Variants in SIL1 observed in about 807,000 individuals in gnomAD.
The protein encoded by SIL1 is SIL1 nucleotide exchange factor, also known as nucleotide exchange factor SIL1.
SIL1 carries 40 observed loss-of-function variants against 49.1 expected under a neutral mutation model. That is an observed-to-expected ratio of 0.81 (90% CI 0.63 to 1.06). The LOEUF is 1.06. Among genes scored for constraint, SIL1 ranks in the 50% least tolerant of loss-of-function variants. The probability of loss-of-function intolerance (pLI) is 0.00; values close to 1 mark genes in which losing one functional copy is unlikely to be tolerated. For missense variants in SIL1, 500 were observed against 572.6 expected (o/e 0.87, Z 1.29); for synonymous variants, 253 against 250.8 (o/e 1.01, Z -0.08).
intron 3 of SIL1, among the ~76,000 whole-genome samples, chr5:139,108,660 T>C (rs569508535): frequency 2.2e-4 from 34 of 152,366 alleles, no homozygotes; most frequent in Non-Finnish European, 1.5e-5. Context: ...AACGCTAATG[T>C]GTTTTTCCTC....
intron 7 of SIL1, among the ~76,000 whole-genome samples, chr5:139,012,143 T>A (rs1356967408): frequency 6.6e-6 from 1 of 152,098 alleles, no homozygotes; most frequent in Non-Finnish European, 1.5e-5. Flanking sequence ...AGCCTCAACT[T>A]CCATTCTCAG....
At chr5:139,069,811 A>C (rs1490553951) in intron 3 of SIL1, among the ~76,000 whole-genome samples, 1 of 152,208 alleles carries the variant, frequency 6.6e-6, no homozygotes, top group Non-Finnish European at 1.5e-5. Context: ...TGTCATCAGC[A>C]TTTTTAACAG....
chr5:139,161,025 C>T (rs1443065827), intron 1 of SIL1, among the ~76,000 whole-genome samples: 2 of 152,044 alleles, frequency 1.3e-5, no homozygotes, highest in Non-Finnish European at 2.9e-5. Flanking sequence ...GGGTGGATCA[C>T]CTGAGGTCAG....
intron 4 of SIL1, among the ~76,000 whole-genome samples, chr5:139,048,289 C>G (rs1769210922): frequency 6.6e-6 from 1 of 151,336 alleles, no homozygotes; most frequent in Non-Finnish European, 1.5e-5. Context: ...GTAGCTGGGA[C>G]TACAGGCATA....
chr5:139,136,807 A>ACTC (rs2151799637), intron 1 of SIL1, among the ~76,000 whole-genome samples: 1 of 152,318 alleles, frequency 6.6e-6, no homozygotes, highest in East Asian at 1.9e-4. Flanking sequence ...CTTAATGAGA[A>ACTC]AAGAGAAAAA....
Position 138,952,064 on chromosome 5 carries a change from C to T in SIL1, c.768-180G>A, listed in dbSNP as rs539572999. On this transcript the variant is annotated intron_variant, in intron 7 of 9. Coordinates refer to ENST00000394817, the MANE Select transcript of SIL1 (RefSeq NM_022464.5). ...CATCTGGCACAGACCCACGTGGGAA[C>T]AGCGGCCCACAGCACAGGTGACAGG... Among the ~76,000 whole-genome samples, 11 of 152,352 alleles carry T rather than the reference C, an allele frequency of 7.2e-5. No individual in the cohort carries two copies. The East Asian group carries it at 1.9e-3, about 27-fold the overall frequency.
intron 5 of SIL1, chr5:139,035,211 C>T (rs1768875640): frequency 6.9e-6 from 3 of 432,432 alleles, no homozygotes; most frequent in South Asian, 2.0e-5. Context: ...GAGGTGACGG[C>T]CATCAACACT....
At chr5:139,144,097 GA>G (rs1479873856) in intron 1 of SIL1, among the ~76,000 whole-genome samples, 1 of 152,134 alleles carries the variant, frequency 6.6e-6, no homozygotes, top group African/African-American at 2.4e-5. Flanking sequence ...TGCAGAAATG[GA>G]AAAACCCATC....
At position 139,127,851 on chromosome 5, in the gene SIL1, G is replaced by T; in HGVS notation, c.-8C>A. The stretch of plus-strand genomic sequence containing the variant: ...CAGGCTCTGGGGAGCCATAGTCAGG[G>T]ACCTGCAGGTGCAAGCATAGACAAC... On this transcript the variant is annotated splice_region_variant and 5_prime_UTR_variant, in exon 2 of 10. Transcript: ENST00000394817. The T allele has an allele frequency of 6.3e-7, 1 of 1,582,880 alleles. No homozygotes were observed. The highest frequency in any genetic ancestry group is 1.3e-5 in the African/African-American group (1 of 74,226).
At chr5:139,169,774 C>T (rs1309969505) in intron 1 of SIL1, among the ~76,000 whole-genome samples, 1 of 151,760 alleles carries the variant, frequency 6.6e-6, no homozygotes, top group Admixed American at 6.5e-5. Context: ...AGCCACCACG[C>T]CCGGCCCAAG....
intron 7 of SIL1, among the ~76,000 whole-genome samples, chr5:139,014,688 G>C (rs1173793905): frequency 6.6e-6 from 1 of 152,142 alleles, no homozygotes; most frequent in African/African-American, 2.4e-5. Context: ...GTCATTATTT[G>C]CCATTTGAAA....
chr5:139,143,344 C>CACACACACAT (rs1451727500), intron 1 of SIL1, among the ~76,000 whole-genome samples: 1 of 97,506 alleles, frequency 1.0e-5, no homozygotes, highest in African/African-American at 5.5e-5. Context: ...CACACACACA[C>CACACACACAT]ATATATATAT....
intron 3 of SIL1, among the ~76,000 whole-genome samples, chr5:139,118,237 G>C (rs1212433018): frequency 1.3e-5 from 2 of 152,106 alleles, no homozygotes; most frequent in Non-Finnish European, 2.9e-5. Context: ...TCTTCACATC[G>C]TAAGTTCCCT....
At chr5:139,166,583 G>A (rs1751628550) in intron 1 of SIL1, among the ~76,000 whole-genome samples, 1 of 152,194 alleles carries the variant, frequency 6.6e-6, no homozygotes, top group African/African-American at 2.4e-5. Context: ...CTTGAGCCAA[G>A]GAATTTGGGG....
chr5:139,015,533 A>G (rs1768379845), intron 7 of SIL1, among the ~76,000 whole-genome samples: 1 of 152,216 alleles, frequency 6.6e-6, no homozygotes, highest in Non-Finnish European at 1.5e-5. Flanking sequence ...GCTAAACTAC[A>G]TCATAAATAA....
chr5:138,973,445 C>G (rs1033938291), intron 7 of SIL1, among the ~76,000 whole-genome samples: 12 of 151,820 alleles, frequency 7.9e-5, no homozygotes, highest in Non-Finnish European at 1.3e-4. Flanking sequence ...CTCAGACCAT[C>G]AGAGGTAAGA....
At chr5:139,189,514 A>T (rs1003728128) in intron 1 of SIL1, among the ~76,000 whole-genome samples, 2 of 152,244 alleles carry the variant, frequency 1.3e-5, no homozygotes, top group Non-Finnish European at 2.9e-5. Context: ...TGTATATTTC[A>T]TTACATACTA....
chr5:139,058,255 G>A (rs1389040106), intron 3 of SIL1, among the ~76,000 whole-genome samples: 1 of 151,738 alleles, frequency 6.6e-6, no homozygotes, highest in Admixed American at 6.6e-5. Context: ...CAGGGGCTGT[G>A]GGAAGGAAGG....
chr5:139,043,240 A>G (rs34632700), intron 4 of SIL1, among the ~76,000 whole-genome samples: 4,077 of 152,302 alleles, frequency 0.027, 84 homozygotes, highest in Middle Eastern at 0.092. Context: ...CCATCCACGA[A>G]CAGAGGGCTC....
Sources: allele counts gnomAD v4.1 joint callset (sites outside exome capture counted in the v4.1 genomes callset), GRCh38; gene constraint gnomAD v4.1.1; transcripts MANE v1.5; gene names NCBI Gene and HGNC (gene_info 2026-07-23, HGNC 2026-07-21).